Variants in C8orf34 observed in about 807,000 individuals in gnomAD.
C8orf34 encodes chromosome 8 open reading frame 34.
A neutral mutation model predicts 68.3 loss-of-function variants in C8orf34; 65 were observed. That is an observed-to-expected ratio of 0.95 (90% CI 0.78 to 1.17). The LOEUF (loss-of-function observed/expected upper bound fraction) is 1.17. C8orf34 is among the 50% of genes most tolerant of loss of function. The probability of loss-of-function intolerance (pLI) is 0.00; values close to 1 mark genes in which losing one functional copy is unlikely to be tolerated. For missense variants in C8orf34, 664 were observed against 655.4 expected (o/e 1.01, Z -0.14); for synonymous variants, 244 against 241.2 (o/e 1.01, Z -0.11).
chr8:68,683,085 A>G (rs1563606994), intron 8 of C8orf34, among the ~76,000 whole-genome samples: 2 of 151,990 alleles, frequency 1.3e-5, no homozygotes, highest in Non-Finnish European at 2.9e-5. Flanking sequence ...ATTGAACAGA[A>G]GGAAATGAGA....
intron 7 of C8orf34, chr8:68,535,498 A>G (rs955601011): frequency 6.2e-6 from 6 of 960,122 alleles, no homozygotes; most frequent in Non-Finnish European, 7.4e-6. Flanking sequence ...CTTCAATAAA[A>G]TTGGTTGATT....
intron 7 of C8orf34, among the ~76,000 whole-genome samples, chr8:68,611,253 CA>C (rs780413976): frequency 9.9e-5 from 15 of 152,054 alleles, no homozygotes; most frequent in Admixed American, 5.9e-4. Flanking sequence ...GAGATGGAAG[CA>C]AGAAATGTTT....
At chr8:68,577,130 C>T (rs1320885691) in intron 7 of C8orf34, among the ~76,000 whole-genome samples, 1 of 151,864 alleles carries the variant, frequency 6.6e-6, no homozygotes, top group Admixed American at 6.6e-5. Context: ...AGCTTTGTGC[C>T]GTGGCAGTAA....
intron 7 of C8orf34, among the ~76,000 whole-genome samples, chr8:68,548,122 T>A (rs1190683761): frequency 6.6e-6 from 1 of 151,654 alleles, no homozygotes; most frequent in Non-Finnish European, 1.5e-5. Flanking sequence ...ATTCAAAACA[T>A]TGGCCTGGCA....
At chr8:68,358,529 T>A (rs1283923123) in intron 1 of C8orf34, among the ~76,000 whole-genome samples, 1 of 151,940 alleles carries the variant, frequency 6.6e-6, no homozygotes, top group African/African-American at 2.4e-5. Context: ...ATTTCCATGT[T>A]TATTTGTTCA....
chr8:68,817,843 T>A (rs1824864301), intron 13 of C8orf34, among the ~76,000 whole-genome samples: 1 of 151,992 alleles, frequency 6.6e-6, no homozygotes, highest in African/African-American at 2.4e-5. Context: ...GAAGGAGAAA[T>A]GCCAAGTGAA....
At chr8:68,784,800 G>A (rs1823795822) in intron 11 of C8orf34, among the ~76,000 whole-genome samples, 1 of 130,554 alleles carries the variant, frequency 7.7e-6, no homozygotes, top group African/African-American at 3.5e-5. Context: ...GTATGTGTGT[G>A]TATGTGTGTG....
chr8:68,720,891 T>C (rs1266671741), intron 9 of C8orf34, among the ~76,000 whole-genome samples: 1 of 151,964 alleles, frequency 6.6e-6, no homozygotes, highest in Non-Finnish European at 1.5e-5. Flanking sequence ...CAATCACCAT[T>C]TAATAATATG....
At chr8:68,720,524 T>C (rs1470034288) in intron 9 of C8orf34, among the ~76,000 whole-genome samples, 1 of 151,868 alleles carries the variant, frequency 6.6e-6, no homozygotes, top group Non-Finnish European at 1.5e-5. Flanking sequence ...TTTATATGAC[T>C]CCCTCAAGTA....
intron 1 of C8orf34, among the ~76,000 whole-genome samples, chr8:68,415,254 T>C (rs1436647227): frequency 6.6e-6 from 1 of 151,762 alleles, no homozygotes; most frequent in African/African-American, 2.4e-5. Context: ...GCCAGGCGGG[T>C]GGATCACCTG....
At chr8:68,776,308 T>C in intron 10 of C8orf34, 91 bp from the exon 11 acceptor site, 1 of 887,262 alleles carries the variant, frequency 1.1e-6, no homozygotes, top group South Asian at 1.4e-5. Flanking sequence ...AAATATTTGG[T>C]GTTGCTCTCA....
intron 1 of C8orf34, among the ~76,000 whole-genome samples, chr8:68,391,771 C>T (rs537302945): frequency 2.0e-4 from 31 of 152,194 alleles, no homozygotes; most frequent in African/African-American, 7.2e-4. Flanking sequence ...AAAATGTGGC[C>T]AGCCACCACA....
At chr8:68,748,224 C>T (rs867028976) in intron 10 of C8orf34, among the ~76,000 whole-genome samples, 10 of 133,900 alleles carry the variant, frequency 7.5e-5, no homozygotes, top group South Asian at 2.4e-4. Context: ...AAACCTTATA[C>T]AAAAATCAAT....
intron 1 of C8orf34, among the ~76,000 whole-genome samples, chr8:68,404,120 T>C (rs1025107297): frequency 1.3e-5 from 2 of 152,240 alleles, no homozygotes; most frequent in Admixed American, 6.5e-5. Flanking sequence ...ATTTCTCTAA[T>C]GACCAGTGAT....
chr8:68,465,228 A>T (rs1812060511), intron 3 of C8orf34, among the ~76,000 whole-genome samples: 2 of 152,218 alleles, frequency 1.3e-5, no homozygotes, highest in African/African-American at 2.4e-5. Flanking sequence ...CATCAGAGAA[A>T]TGCAAATCAA....
intron 7 of C8orf34, among the ~76,000 whole-genome samples, chr8:68,621,912 A>G (rs527860998): frequency 2.5e-4 from 38 of 152,216 alleles, no homozygotes; most frequent in Non-Finnish European, 4.3e-4. Flanking sequence ...ATTATCCCAC[A>G]GTGTCTGTGG....
intron 5 of C8orf34, among the ~76,000 whole-genome samples, chr8:68,512,785 C>CAAAA (rs112918287): frequency 5.1e-5 from 7 of 136,204 alleles, no homozygotes; most frequent in African/African-American, 7.8e-5. Context: ...AACCTTTTAC[C>CAAAA]AAAAAAAAAA....
intron 1 of C8orf34, among the ~76,000 whole-genome samples, chr8:68,406,577 A>G (rs962421436): frequency 6.6e-6 from 1 of 151,932 alleles, no homozygotes; most frequent in Non-Finnish European, 1.5e-5. Flanking sequence ...GCACACTGCA[A>G]TCTCTGCCTC....
intron 12 of C8orf34, among the ~76,000 whole-genome samples, chr8:68,796,484 C>T (rs1824179807): frequency 6.8e-6 from 1 of 146,112 alleles, no homozygotes; most frequent in African/African-American, 2.6e-5. Context: ...GCCCTAGTTT[C>T]ATGAGAAGCT....
Sources: allele counts gnomAD v4.1 joint callset (sites outside exome capture counted in the v4.1 genomes callset), GRCh38; gene constraint gnomAD v4.1.1; transcripts MANE v1.5; gene names NCBI Gene and HGNC (gene_info 2026-07-23, HGNC 2026-07-21).